KLRG1: variants seen among roughly 807,000 people sequenced by gnomAD.
KLRG1 encodes the protein killer cell lectin-like receptor subfamily G member 1.
A neutral mutation model predicts 21.8 loss-of-function variants in KLRG1; 16 were observed. The ratio of observed to expected loss-of-function variants is 0.73; its 90% confidence interval spans 0.50 to 1.11. The LOEUF is 1.11. Ranked by LOEUF, KLRG1 falls within the 50% of genes most tolerant of loss-of-function variation. KLRG1 has a pLI of 0.00. For synonymous variants in KLRG1, 69 were observed against 75.9 expected (o/e 0.91, Z 0.47); for missense variants, 173 against 218.3 (o/e 0.79, Z 1.31).
the KLRG1 span, chr12:9,093,654 C>CAA: frequency 1.9e-3 from 981 of 528,104 alleles, no homozygotes; most frequent in African/African-American, 5.3e-3. Flanking sequence ...TAGTTGCCAC[C>CAA]AAAAAAAAAA....
At chr12:8,965,393 A>G (rs1200233831) in intron 1 of KLRG1, among the ~76,000 whole-genome samples, 3 of 152,220 alleles carry the variant, frequency 2.0e-5, no homozygotes, top group African/African-American at 7.2e-5. Context: ...GAGGAAGTCA[A>G]ATTGTCCCTG....
the KLRG1 span, among the ~76,000 whole-genome samples, chr12:9,131,995 C>T: frequency 3.3e-5 from 5 of 152,052 alleles, no homozygotes; most frequent in South Asian, 4.1e-4. Context: ...CTGGGTAGGG[C>T]TTATGGGAAA....
chr12:9,070,434 G>C, the KLRG1 span: 1 of 1,163,590 alleles, frequency 8.6e-7, no homozygotes. Flanking sequence ...CTTATGCTGG[G>C]GATACATACA....
downstream of KLRG1, chr12:9,010,841 A>G (rs1327934092): frequency 6.6e-6 from 1 of 152,184 alleles, no homozygotes; most frequent in Non-Finnish European, 1.5e-5. Flanking sequence ...AATCCTCCCT[A>G]ACTCACCAAT....
At chr12:9,145,099 T>A in the KLRG1 span, among the ~76,000 whole-genome samples, 1 of 152,208 alleles carries the variant, frequency 6.6e-6, no homozygotes, top group Admixed American at 6.5e-5. Flanking sequence ...ATAGAATATA[T>A]TTGGGTCTGT....
At chr12:9,203,806 C>G in the KLRG1 span, 5 of 1,614,132 alleles carry the variant, frequency 3.1e-6, no homozygotes, top group East Asian at 2.2e-5. Context: ...TTCTCCGCCA[C>G]CAGGTCAGTG....
At chr12:9,008,414 C>T (rs1012857954) in intron 3 of KLRG1, among the ~76,000 whole-genome samples, 2 of 152,226 alleles carry the variant, frequency 1.3e-5, no homozygotes, top group Non-Finnish European at 2.9e-5. Context: ...TGCTGCTCCT[C>T]TCTACAGCTA....
the KLRG1 span, among the ~76,000 whole-genome samples, chr12:9,106,758 A>T: frequency 2.6e-5 from 4 of 152,194 alleles, no homozygotes; most frequent in Non-Finnish European, 5.9e-5. Flanking sequence ...GCAACTAAAT[A>T]TTAAATTTCA....
At chr12:9,075,205 G>GA in the KLRG1 span, among the ~76,000 whole-genome samples, 56 of 149,312 alleles carry the variant, frequency 3.8e-4, no homozygotes, top group Admixed American at 1.1e-3. Context: ...TCATTAAATT[G>GA]AAAAAAAAAA....
At chr12:9,193,084 TAATTAA>T in the KLRG1 span, among the ~76,000 whole-genome samples, 1 of 152,246 alleles carries the variant, frequency 6.6e-6, no homozygotes, top group Non-Finnish European at 1.5e-5. Context: ...TGAATTGGCT[TAATTAA>T]AATTAGGGTT....
the KLRG1 span, chr12:9,095,018 G>A: frequency 6.3e-7 from 1 of 1,595,554 alleles, no homozygotes; most frequent in Non-Finnish European, 8.5e-7. Flanking sequence ...ATTTCATACT[G>A]TTGAAGCTGT....
At chr12:8,984,786 G>T (rs1946815599), upstream of KLRG1, among the ~76,000 whole-genome samples, 2 of 151,858 alleles carry the variant, frequency 1.3e-5, no homozygotes, top group South Asian at 4.2e-4. Context: ...TTGATCCATG[G>T]CCCATATATT....
chr12:9,049,413 A>G, the KLRG1 span, among the ~76,000 whole-genome samples: 2 of 152,168 alleles, frequency 1.3e-5, no homozygotes, highest in Non-Finnish European at 2.9e-5. Context: ...TGTCAGTCCA[A>G]TGGAGCTGGG....
chr12:9,175,169 C>A, the KLRG1 span, among the ~76,000 whole-genome samples: 35 of 152,114 alleles, frequency 2.3e-4, no homozygotes, highest in Non-Finnish European at 4.7e-4. Context: ...AACCTACAAC[C>A]ATCTGATCTT....
the KLRG1 span, among the ~76,000 whole-genome samples, chr12:9,199,279 T>C: frequency 6.6e-6 from 1 of 152,206 alleles, no homozygotes; most frequent in Admixed American, 6.5e-5. Flanking sequence ...CCAGTAATTG[T>C]GACCTGTGAT....
chr12:9,080,204 T>G, the KLRG1 span: 1 of 1,450,386 alleles, frequency 6.9e-7, no homozygotes, highest in Non-Finnish European at 9.5e-7. Flanking sequence ...ATCAGACATA[T>G]GAAAATTATT....
the KLRG1 span, chr12:9,152,769 T>A: frequency 6.4e-7 from 1 of 1,571,574 alleles, no homozygotes; most frequent in Admixed American, 1.8e-5. Flanking sequence ...TTAATTTCTG[T>A]TAATTCCAAG....
chr12:9,032,020 T>A, the KLRG1 span, among the ~76,000 whole-genome samples: 12 of 152,128 alleles, frequency 7.9e-5, no homozygotes, highest in Non-Finnish European at 1.5e-5. Context: ...TAATCTCTAG[T>A]GGAAACACCT....
At chr12:9,157,691 A>T in the KLRG1 span, 1 of 1,333,876 alleles carries the variant, frequency 7.5e-7, no homozygotes. Context: ...TTGAGACTCA[A>T]CCCTTAGCAG....
Sources: allele counts gnomAD v4.1 joint callset (sites outside exome capture counted in the v4.1 genomes callset), GRCh38; gene constraint gnomAD v4.1.1; transcripts MANE v1.5; gene names NCBI Gene and HGNC (gene_info 2026-07-23, HGNC 2026-07-21).